LMF1: variants seen among roughly 807,000 people sequenced by gnomAD.
The protein encoded by LMF1 is transmembrane protein 112.
A neutral mutation model predicts 60.6 loss-of-function variants in LMF1; 68 were observed. The observed-to-expected ratio is 1.12, with a 90% CI of 0.92 to 1.37. The LOEUF (loss-of-function observed/expected upper bound fraction) is 1.37, where lower values mean the gene tolerates loss of function less well. Among genes scored for constraint, LMF1 ranks in the 40% most tolerant of loss-of-function variants. LMF1 has a pLI of 0.00. For synonymous variants in LMF1, 418 were observed against 324.7 expected, an observed-to-expected ratio of 1.29 and a Z score of -3.09; for missense variants, 948 against 767.2, an observed-to-expected ratio of 1.24 and a Z score of -2.78.
chr16:906,274 T>C (rs750947069), intron 4 of LMF1, among the ~76,000 whole-genome samples: 1 of 152,154 alleles, frequency 6.6e-6, no homozygotes, highest in Non-Finnish European at 1.5e-5. Context: ...GTCAGCTTGA[T>C]TGGGTTGAAG....
chr16:896,988 A>G (rs1240876294), intron 4 of LMF1, among the ~76,000 whole-genome samples: 2 of 151,826 alleles, frequency 1.3e-5, no homozygotes, highest in African/African-American at 4.8e-5. Flanking sequence ...TTCAGCCCAA[A>G]ATTAATTCTA....
chr16:854,008 A>G lies in LMF1; in HGVS notation c.*524T>C, dbSNP rs1005510070. The G allele has an allele frequency of 8.8e-6, 4 of 454,162 alleles. No individual in the cohort carries two copies. Among genetic ancestry groups the G allele is most frequent in the South Asian group, 1.6e-5 (1 of 64,468 alleles). The allele number at this position is 454,162 out of a possible 1,614,324, so 28.1% of individuals were successfully genotyped here. On this transcript the variant is annotated 3_prime_UTR_variant, in exon 11 of 11. Transcript: ENST00000262301. ...CAGAAAATGGCCCATCCAACCCCAC[A>G]TCCTGGCCGGGCGTGTCCAGGTCCC...
In LMF1 at chr16:854,642, C is replaced by T; in HGVS notation, c.1594G>A (p.Gly532Ser). ...ATCCTCTTCCGCACCCACCACTTGC[C>T]CTCGGCGGCGTGCCTGCCCCCAGGA... ...SRPGGRHAAE[G>S]KWWVRKRIGA... The change falls in exon 11 of 11, where the codon GGC becomes AGC. Residue 532 changes from glycine to serine, a missense_variant. Coordinates refer to ENST00000262301, the MANE Select transcript of LMF1 (RefSeq NM_022773.4). 3 of 1,606,708 alleles carry T rather than the reference C, an allele frequency of 1.9e-6. No homozygotes were observed. The highest frequency in any genetic ancestry group is 2.5e-6 in the Non-Finnish European group (3 of 1,178,492).
At position 854,067 on chromosome 16, in the gene LMF1, C is replaced by G. The variant is rs1451658849; in HGVS notation, c.*465G>C. 3 of 455,724 alleles carry G rather than the reference C, an allele frequency of 6.6e-6. No homozygotes were observed. Among genetic ancestry groups the G allele is most frequent in the African/African-American group, 2.0e-5 (1 of 50,062 alleles). The allele number at this position is 455,724 out of a possible 1,614,324, so 28.2% of individuals were successfully genotyped here. A position where few individuals can be genotyped will look rare whatever the true frequency, so the allele number is the denominator to read the frequency against. On this transcript the variant is annotated 3_prime_UTR_variant, in exon 11 of 11. Transcript: ENST00000262301. The stretch of plus-strand genomic sequence containing the variant: ...GAGGGTTTGGCTGCCCCAGACGTGA[C>G]AGGGACTTGGCTCTGAGGGTCAGGA...
At chr16:920,598 C>A (rs4984982) in intron 3 of LMF1, among the ~76,000 whole-genome samples, 66,101 of 152,090 alleles carry the variant, frequency 0.43, 16,339 homozygotes, top group African/African-American at 0.67. Context: ...GCACAGGGCC[C>A]AGGAGCTCGT....
At chr16:975,695 T>C (rs1365741283), upstream of LMF1, 2 of 422,780 alleles carry the variant, frequency 4.7e-6, no homozygotes, top group Non-Finnish European at 9.5e-6. Context: ...CGTACCCGCC[T>C]GAGGGCATCT....
chr16:979,975 A>C (rs1348869085), intron 1 of LMF1: 1 of 347,378 alleles, frequency 2.9e-6, no homozygotes, highest in African/African-American at 2.2e-5. Context: ...CTGCAGACGG[A>C]GGTGTGGGTC....
chr16:906,030 A>G (rs1312350144), intron 4 of LMF1, among the ~76,000 whole-genome samples: 2 of 152,138 alleles, frequency 1.3e-5, no homozygotes, highest in African/African-American at 4.8e-5. Context: ...TATGTTTGCA[A>G]TCCATCTCAA....
rs915291678 is a variant in LMF1, at chr16:854,178, T to C, written c.*354A>G. 1.2e-5 allele frequency: 6 copies of C among 504,628 alleles called. No homozygotes were observed. The highest frequency in any genetic ancestry group is 3.8e-5 in the African/African-American group (2 of 52,010). The allele number at this position is 504,628 out of a possible 1,614,324, so 31.3% of individuals were successfully genotyped here. On this transcript the variant is annotated 3_prime_UTR_variant, in exon 11 of 11. Transcript: ENST00000262301. ...CCCAAGAGCTACCTGGCTGGGTCTA[T>C]GGTCAGGGCTGTAGTGGAGGAAGGT...
In LMF1 at chr16:936,221, C is replaced by T. The variant is rs547280904; in HGVS notation, c.504-1967G>A. Among the ~76,000 whole-genome samples the T allele has an allele frequency of 3.1e-5, 4 of 128,422 alleles. No individual in the cohort carries two copies. The East Asian group carries it at 7.4e-4, about 24-fold the overall frequency. 84.2% of individuals were successfully genotyped at this position (128,422 alleles called of 152,430 possible). A position where few individuals can be genotyped will look rare whatever the true frequency, so the allele number is the denominator to read the frequency against. ...GGAGGCTGGGAGAGAGGGGGTACCC[C>T]GTGGGCTGAGGAAGGAGGCTGGGAG... On this transcript the variant is annotated intron_variant, in intron 2 of 10. Coordinates refer to ENST00000262301, the MANE Select transcript of LMF1 (RefSeq NM_022773.4).
intron 1 of LMF1, chr16:980,591 C>G (rs1319011892): frequency 2.0e-5 from 3 of 152,204 alleles, no homozygotes; most frequent in African/African-American, 7.2e-5. Context: ...ACGCGCGTGT[C>G]CCGCGTTGGC....
At chr16:975,811 T>A (rs1204890187), upstream of LMF1, 1 of 454,170 alleles carries the variant, frequency 2.2e-6, no homozygotes, top group Non-Finnish European at 4.4e-6. Flanking sequence ...AATGGGTCTC[T>A]GGAACGTTCC....
intron 1 of LMF1, among the ~76,000 whole-genome samples, chr16:956,787 T>C (rs747182035): frequency 1.4e-5 from 2 of 145,090 alleles, no homozygotes; most frequent in African/African-American, 2.6e-5. Flanking sequence ...GAGGGTGCAG[T>C]GAGCCAAGAT....
At chr16:868,247 C>T (rs1404089441) in intron 10 of LMF1, among the ~76,000 whole-genome samples, 1 of 152,104 alleles carries the variant, frequency 6.6e-6, no homozygotes, top group Admixed American at 6.5e-5. Context: ...TCCCGTACCC[C>T]AGCGGGGCCC....
At chr16:975,686 G>A (rs921329764), upstream of LMF1, 11 of 405,684 alleles carry the variant, frequency 2.7e-5, no homozygotes, top group Admixed American at 1.9e-4. Flanking sequence ...TTTGCCCCTC[G>A]TACCCGCCTG....
At chr16:973,890 G>GT (rs1474594053), upstream of LMF1, among the ~76,000 whole-genome samples, 1 of 151,808 alleles carries the variant, frequency 6.6e-6, no homozygotes, top group Non-Finnish European at 1.5e-5. Flanking sequence ...GGCGCCTGTA[G>GT]TCCCAGCTAC....
intron 1 of LMF1, among the ~76,000 whole-genome samples, chr16:966,568 A>G (rs960879043): frequency 1.3e-5 from 2 of 152,132 alleles, no homozygotes; most frequent in Non-Finnish European, 2.9e-5. Context: ...TATCTCATAA[A>G]TGTTTGAGCT....
chr16:966,297 G>C (rs1042613645), intron 1 of LMF1, among the ~76,000 whole-genome samples: 4 of 152,168 alleles, frequency 2.6e-5, no homozygotes, highest in Non-Finnish European at 5.9e-5. Context: ...AGCAGGGAGC[G>C]TGTGTCCCAA....
chr16:954,294 T>C (rs761322875), intron 2 of LMF1, 63 bp downstream of exon 2: 2 of 1,489,454 alleles, frequency 1.3e-6, no homozygotes, highest in Non-Finnish European at 1.8e-6. Flanking sequence ...CCAGGACACC[T>C]GCAGTGCCTG....
Sources: allele counts gnomAD v4.1 joint callset (sites outside exome capture counted in the v4.1 genomes callset), GRCh38; gene constraint gnomAD v4.1.1; transcripts MANE v1.5; gene names NCBI Gene and HGNC (gene_info 2026-07-23, HGNC 2026-07-21).